TLL2: variants seen among roughly 807,000 people sequenced by gnomAD.
The protein encoded by TLL2 is tolloid like 2.
A neutral mutation model predicts 123.0 loss-of-function variants in TLL2; 106 were observed. The ratio of observed to expected loss-of-function variants is 0.86; its 90% CI spans 0.74 to 1.01. The LOEUF is 1.01. Among genes scored for constraint, TLL2 ranks in the 50% least tolerant of loss-of-function variants. The pLI is 0.00. For missense variants in TLL2, 1,332 were observed against 1,336.7 expected (o/e 1.00, Z 0.06); for synonymous variants, 494 against 516.8 (o/e 0.96, Z 0.60).
intron 10 of TLL2, among the ~76,000 whole-genome samples, chr10:96,403,907 G>C: frequency 6.6e-6 from 1 of 152,094 alleles, no homozygotes; most frequent in Non-Finnish European, 1.5e-5. Context: ...ACTCCACTGA[G>C]ATATTTGGGT....
chr10:96,436,088 A>G (rs2134082673), intron 3 of TLL2, among the ~76,000 whole-genome samples: 1 of 152,352 alleles, frequency 6.6e-6, no homozygotes, highest in East Asian at 1.9e-4. Context: ...TTTTTCCATA[A>G]AAGGCCATAT....
chr10:96,445,188 C>CA (rs964113774), intron 3 of TLL2, among the ~76,000 whole-genome samples: 29 of 148,386 alleles, frequency 2.0e-4, no homozygotes, highest in South Asian at 1.7e-3. Context: ...GACTCCACCT[C>CA]AAAAAAAAAA....
At chr10:96,370,460 T>A in intron 19 of TLL2, 145 bp from the exon 20 acceptor site, 1 of 1,178,022 alleles carries the variant, frequency 8.5e-7, no homozygotes, top group Non-Finnish European at 1.1e-6. Context: ...GATGGAGGAG[T>A]ACACAGAGGC....
At chr10:96,495,363 C>A (rs1308933206) in intron 1 of TLL2, among the ~76,000 whole-genome samples, 1 of 152,010 alleles carries the variant, frequency 6.6e-6, no homozygotes, top group African/African-American at 2.4e-5. Flanking sequence ...GAATCTTTGT[C>A]AAGGGAGTGT....
chr10:96,400,829 A>C (rs991933496), intron 10 of TLL2, among the ~76,000 whole-genome samples: 6 of 152,244 alleles, frequency 3.9e-5, no homozygotes, highest in African/African-American at 1.4e-4. Context: ...ACAGAATTTA[A>C]GATCACTGGA....
At chr10:96,379,154 C>T in intron 16 of TLL2, 62 bp from the exon 17 acceptor site, 2 of 1,577,866 alleles carry the variant, frequency 1.3e-6, no homozygotes, top group Admixed American at 3.4e-5. Context: ...CCTCAGGGCT[C>T]AGAATCCCAC....
chr10:96,391,438 A>T (rs915565534), intron 13 of TLL2, among the ~76,000 whole-genome samples: 2 of 152,194 alleles, frequency 1.3e-5, no homozygotes, highest in African/African-American at 4.8e-5. Context: ...GAAGGTAGAA[A>T]GGTGACCAGT....
At chr10:96,479,413 T>C (rs1026638222) in intron 2 of TLL2, among the ~76,000 whole-genome samples, 2 of 152,188 alleles carry the variant, frequency 1.3e-5, no homozygotes, top group African/African-American at 4.8e-5. Flanking sequence ...TGCCCACACA[T>C]TTCCCTCCAG....
chr10:96,497,611 T>C (rs1421335541), intron 1 of TLL2, among the ~76,000 whole-genome samples: 1 of 152,150 alleles, frequency 6.6e-6, no homozygotes, highest in Non-Finnish European at 1.5e-5. Context: ...CCTCCGCAAC[T>C]TCCCCTCCTA....
At chr10:96,368,314 A>G in intron 20 of TLL2, 92 bp from the exon 21 acceptor site, 1 of 1,464,790 alleles carries the variant, frequency 6.8e-7, no homozygotes, top group South Asian at 1.2e-5. Flanking sequence ...GCAAGGACAC[A>G]GGATGTGTCT....
chr10:96,457,695 G>T (rs1170360183), intron 2 of TLL2, among the ~76,000 whole-genome samples: 2 of 152,150 alleles, frequency 1.3e-5, no homozygotes, highest in African/African-American at 2.4e-5. Context: ...GAAATGCTTG[G>T]GGGGTAGGAT....
At chr10:96,484,913 T>C (rs192558812) in intron 1 of TLL2, among the ~76,000 whole-genome samples, 200 of 152,318 alleles carry the variant, frequency 1.3e-3, no homozygotes, top group Non-Finnish European at 2.5e-3. Flanking sequence ...TTTCGAAACT[T>C]TGAAACCCAT....
In TLL2 at chr10:96,433,045, C is replaced by T. The variant is rs991290111; in HGVS notation, c.365-83G>A. 5.3e-6 allele frequency: 8 copies of T among 1,523,112 alleles called. No homozygotes were observed. In the African/African-American group the frequency reaches 6.9e-5, roughly 13 times the overall value. 94.3% of individuals were successfully genotyped at this position (1,523,112 alleles called of 1,614,324 possible). On this transcript the variant is annotated intron_variant, in intron 3 of 20. Transcript: ENST00000357947. The stretch of plus-strand genomic sequence containing the variant: ...GCTGAGGTTGTATTATCCACAATTC[C>T]AAAAAGGGGGTGTTAAAACATGTTC...
At chr10:96,446,268 G>A in intron 2 of TLL2, 100 bp from the exon 3 acceptor site, 3 of 1,058,046 alleles carry the variant, frequency 2.8e-6, no homozygotes, top group Non-Finnish European at 2.9e-6. Context: ...GGGAGGATCA[G>A]AATCACCACG....
intron 2 of TLL2, among the ~76,000 whole-genome samples, chr10:96,473,957 T>G (rs762137580): frequency 1.3e-5 from 2 of 152,118 alleles, no homozygotes; most frequent in African/African-American, 2.4e-5. Flanking sequence ...CACTCTCGTA[T>G]CGAAAAGGGT....
chr10:96,444,921 G>A (rs1424024154), intron 3 of TLL2, among the ~76,000 whole-genome samples: 1 of 152,218 alleles, frequency 6.6e-6, no homozygotes, highest in East Asian at 1.9e-4. Context: ...CAGGTGCGGT[G>A]GCTCACGCCT....
chr10:96,483,825 C>T (rs1366131819), intron 1 of TLL2, among the ~76,000 whole-genome samples: 1 of 152,108 alleles, frequency 6.6e-6, no homozygotes, highest in Non-Finnish European at 1.5e-5. Flanking sequence ...AGATGTCAGG[C>T]TTCACCATGT....
intron 6 of TLL2, 47 bp downstream of exon 6, chr10:96,422,502 C>T (rs1308381133): frequency 1.9e-6 from 3 of 1,606,958 alleles, no homozygotes; most frequent in Non-Finnish European, 2.6e-6. Flanking sequence ...CCTGAGGTTG[C>T]CACCTTCTCG....
chr10:96,374,001 G>C (rs1846111026), intron 18 of TLL2, 192 bp from the exon 19 acceptor site: 3 of 588,968 alleles, frequency 5.1e-6, no homozygotes, highest in South Asian at 4.0e-5. Flanking sequence ...CCTTGCTTTT[G>C]GTCCAGCAAG....
Sources: allele counts gnomAD v4.1 joint callset (sites outside exome capture counted in the v4.1 genomes callset), GRCh38; gene constraint gnomAD v4.1.1; transcripts MANE v1.5; gene names NCBI Gene and HGNC (gene_info 2026-07-23, HGNC 2026-07-21).